The following TRIB1 variants were observed in gnomAD, a reference collection of about 807,000 sequenced individuals.
The protein encoded by TRIB1 is tribbles homolog 1.
TRIB1 carries 12 observed loss-of-function variants against 27.8 expected under a neutral mutation model. That is an observed-to-expected ratio of 0.43 (90% CI 0.28 to 0.70). The LOEUF is 0.70. Ranked by LOEUF, TRIB1 falls within the 30% of genes least tolerant of loss-of-function variation. The pLI is 0.18. For missense variants in TRIB1, 475 were observed against 515.8 expected, an observed-to-expected ratio of 0.92 and a Z score of 0.77; for synonymous variants, 230 against 224.9, an observed-to-expected ratio of 1.02 and a Z score of -0.20.
At position 125,431,067 on chromosome 8, in the gene TRIB1, C is replaced by T. The variant is rs1814646346; in HGVS notation, c.165C>T (p.Ser55=). ...GCCCGCGCCTCTCCGAGTGCTCCAG[C>T]CCCCCGGACTACCTCAGCCCCCCCG... ...AKCPRLSECS[S]PPDYLSPPGS... is the part of the protein sequence containing the mutation. The change falls in exon 1 of 3, where the codon AGC becomes AGT. Residue 55 remains serine, a synonymous_variant. Coordinates refer to ENST00000311922, the MANE Select transcript of TRIB1 (RefSeq NM_025195.4). 6 of 1,433,894 alleles carry T rather than the reference C, an allele frequency of 4.2e-6. No individual in the cohort carries two copies. Among genetic ancestry groups the T allele is most frequent in the South Asian group, 2.8e-5 (2 of 71,218 alleles). The allele number at this position is 1,433,894 out of a possible 1,614,324, so 88.8% of individuals were successfully genotyped here.
chr8:125,436,325 G>T lies in TRIB1; in HGVS notation c.973G>T (p.Glu325Ter), dbSNP rs756273869. ...CAGCCTCTTGAGACGGGAGCCCTCC[G>T]AGAGACTCACTGCCCCCGAGATCCT... ...IRSLLRREPS[E>*]RLTAPEILLH... Residue 325 changes from glutamate (E) to a stop codon, truncating the protein, a stop_gained, in exon 3 of 3, where the codon GAG (glutamate) becomes TAG (stop). Coordinates refer to ENST00000311922, the MANE Select transcript of TRIB1 (RefSeq NM_025195.4). LOFTEE classifies it high-confidence loss of function. 1.9e-6 allele frequency: 3 copies of T among 1,613,770 alleles called. No individual in the cohort carries two copies. The highest frequency in any genetic ancestry group is 1.7e-6 in the Non-Finnish European group (2 of 1,179,998).
At chr8:125,432,048 C>T (rs1157872804) in intron 1 of TRIB1, among the ~76,000 whole-genome samples, 2 of 152,132 alleles carry the variant, frequency 1.3e-5, no homozygotes, top group African/African-American at 4.8e-5. Context: ...CTACTTTATG[C>T]GAGCGTGGCA....
In TRIB1 at chr8:125,430,794, C is replaced by A; in HGVS notation, c.-109C>A. The A allele has an allele frequency of 7.6e-7, 1 of 1,314,292 alleles. No individual in the cohort carries two copies. The highest frequency in any genetic ancestry group is 9.7e-7 in the Non-Finnish European group (1 of 1,028,780). 81.4% of individuals were successfully genotyped at this position (1,314,292 alleles called of 1,614,324 possible). A position where few individuals can be genotyped will look rare whatever the true frequency, so the allele number is the denominator to read the frequency against. On this transcript the variant is annotated 5_prime_UTR_variant, in exon 1 of 3. Transcript: ENST00000311922. ...GGCCGAGCCAAGACCAGTCTGCAAA[C>A]TCCATCCCGCCGGCTGGAAGAAGTC...
Position 125,433,740 on chromosome 8 carries a change from GCTT to G in TRIB1, c.653+134_653+136del. 8.5e-7 allele frequency: 1 copy of G among 1,183,050 alleles called. No homozygotes were observed. Among genetic ancestry groups the G allele is most frequent in the Non-Finnish European group, 1.2e-6 (1 of 861,766 alleles). The allele number at this position is 1,183,050 out of a possible 1,614,324, so 73.3% of individuals were successfully genotyped here. A position where few individuals can be genotyped will look rare whatever the true frequency, so the allele number is the denominator to read the frequency against. On this transcript the variant is annotated intron_variant, in intron 2 of 2. Transcript: ENST00000311922. The surrounding 1 kb of genome is among the most constrained non-coding windows in gnomAD (Gnocchi z 4.4). ...ATATGTCCCAGATTTAGTATTTAGA[GCTT>G]CTGTTCCTGAGGAGTCACAGCCAAG...
chr8:125,436,554 C>A lies in TRIB1; in HGVS notation c.*83C>A. 1 of 1,335,664 alleles carries A rather than the reference C, an allele frequency of 7.5e-7. No homozygotes were observed. Among genetic ancestry groups the A allele is most frequent in the Non-Finnish European group, 1.0e-6 (1 of 961,210 alleles). The allele number at this position is 1,335,664 out of a possible 1,614,324, so 82.7% of individuals were successfully genotyped here. ...ATGGACAGGCCCTTTGGCGTGGTAC[C>A]AACCAGATAATGACTGCATCAGGAT... On this transcript the variant is annotated 3_prime_UTR_variant, in exon 3 of 3. Transcript: ENST00000311922.
chr8:125,434,143 C>T (rs939417702), intron 2 of TRIB1, among the ~76,000 whole-genome samples: 12 of 152,082 alleles, frequency 7.9e-5, no homozygotes, highest in African/African-American at 2.4e-4. Context: ...TGTTTGGATC[C>T]GTCTTCAGAA....
rs889090995 is a variant in TRIB1, at chr8:125,433,123, G to A, written c.361-194G>A. On this transcript the variant is annotated intron_variant, in intron 1 of 2. Coordinates refer to ENST00000311922, the MANE Select transcript of TRIB1 (RefSeq NM_025195.4). This position sits in a 1 kb window ranked among gnomAD's most constrained non-coding sequence, Gnocchi z 4.4. ...GGTATTTGCAAGTCTAGAGCTTTAGGTGTTACTGGTTTTAAAGGTGTCAGG... is the reference window on the plus strand; with the variant it reads ...GGTATTTGCAAGTCTAGAGCTTTAGATGTTACTGGTTTTAAAGGTGTCAGG... 6.3e-6 allele frequency: 4 copies of A among 633,212 alleles called. No homozygotes were observed. Among genetic ancestry groups the A allele is most frequent in the Non-Finnish European group, 1.1e-5 (4 of 356,806 alleles). The allele number at this position is 633,212 out of a possible 1,614,324, so 39.2% of individuals were successfully genotyped here. A position where few individuals can be genotyped will look rare whatever the true frequency, so the allele number is the denominator to read the frequency against.
At chr8:125,432,597 C>G (rs922021948) in intron 1 of TRIB1, among the ~76,000 whole-genome samples, 20 of 152,212 alleles carry the variant, frequency 1.3e-4, no homozygotes, top group Admixed American at 1.1e-3. Context: ...AGAGGAGATG[C>G]TACTCATTTC....
rs756273869 is a variant in TRIB1, at chr8:125,436,325, G to A, written c.973G>A (p.Glu325Lys). 6.2e-6 allele frequency: 10 copies of A among 1,613,770 alleles called. No individual in the cohort carries two copies. The highest frequency in any genetic ancestry group is 2.2e-5 in the East Asian group (1 of 44,878). Residue 325 changes from glutamate (E) to lysine (K), a missense_variant, in exon 3 of 3, where the codon GAG (glutamate) becomes AAG (lysine). Physicochemically the swap from Glu to Lys is moderately conservative, Grantham distance 56 (BLOSUM62 1). Transcript: ENST00000311922. ...IRSLLRREPS[E>K]RLTAPEILLH... ...CAGCCTCTTGAGACGGGAGCCCTCCGAGAGACTCACTGCCCCCGAGATCCT... is the reference window on the plus strand; with the variant it reads ...CAGCCTCTTGAGACGGGAGCCCTCCAAGAGACTCACTGCCCCCGAGATCCT...
At position 125,431,208 on chromosome 8, in the gene TRIB1, C is replaced by T; in HGVS notation, c.306C>T (p.Arg102=). The T allele has an allele frequency of 2.9e-5, 37 of 1,284,236 alleles. No individual in the cohort carries two copies. Among genetic ancestry groups the T allele is most frequent in the Non-Finnish European group, 3.6e-5 (37 of 1,017,512 alleles). 79.6% of individuals were successfully genotyped at this position (1,284,236 alleles called of 1,614,324 possible). ...ACCTGCTGCTGCCCCTAGCCGAGCG[C>T]GAGCATGTGTCCCGGGCGCTGTGCA... ...ADYLLLPLAE[R]EHVSRALCIH... is the part of the protein sequence containing the mutation. Residue 102 remains arginine (R), a synonymous_variant, in exon 1 of 3, where the codon CGC becomes CGT. Coordinates refer to ENST00000311922, the MANE Select transcript of TRIB1 (RefSeq NM_025195.4).
chr8:125,436,536 G>T lies in TRIB1; in HGVS notation c.*65G>T. On this transcript the variant is annotated 3_prime_UTR_variant, in exon 3 of 3. Transcript: ENST00000311922. The stretch of plus-strand genomic sequence containing the variant: ...GCATTTCCATTTCTAAAGATGGACA[G>T]GCCCTTTGGCGTGGTACCAACCAGA... The T allele has an allele frequency of 2.6e-6, 4 of 1,514,930 alleles. No individual in the cohort carries two copies. Among genetic ancestry groups the T allele is most frequent in the Non-Finnish European group, 3.6e-6 (4 of 1,106,222 alleles). The allele number at this position is 1,514,930 out of a possible 1,614,324, so 93.8% of individuals were successfully genotyped here.
At position 125,438,338 on chromosome 8, in the gene TRIB1, A is replaced by G. The variant is rs1461141196; in HGVS notation, c.*1867A>G. The G allele has an allele frequency of 2.0e-5, 3 of 152,376 alleles. 1 individual carries two copies. The highest frequency in any genetic ancestry group is 4.4e-5 in the Non-Finnish European group (3 of 68,040). The allele number at this position is 152,376 out of a possible 1,614,324, so 9.4% of individuals were successfully genotyped here. A position where few individuals can be genotyped will look rare whatever the true frequency, so the allele number is the denominator to read the frequency against. On this transcript the variant is annotated 3_prime_UTR_variant, in exon 3 of 3. Coordinates refer to ENST00000311922, the MANE Select transcript of TRIB1 (RefSeq NM_025195.4). ...AGGTTCTTCCTGTACATACGTGTAT[A>G]TATGTGAACAGTGAGATGGCCGTTT...
In TRIB1 at chr8:125,433,592, C is replaced by T. The variant is rs1359748713; in HGVS notation, c.636C>T (p.Val212=). The change falls in exon 2 of 3, where the codon GTC becomes GTT. Residue 212 remains valine (V), a synonymous_variant. Coordinates refer to ENST00000311922, the MANE Select transcript of TRIB1 (RefSeq NM_025195.4). This position sits in a 1 kb window ranked among gnomAD's most constrained non-coding sequence, Gnocchi z 4.4. ...GGGACCTGAAGCTTAGGAAGTTCGT[C>T]TTCTCCACGGAGGAGAGGTGAGCGG... ...VLGDLKLRKF[V]FSTEERTQLR... 3.7e-6 allele frequency: 6 copies of T among 1,609,180 alleles called. No individual in the cohort carries two copies. The highest frequency in any genetic ancestry group is 3.3e-5 in the Admixed American group (2 of 59,964).
At position 125,433,064 on chromosome 8, in the gene TRIB1, T is replaced by G. The variant is rs1055928662; in HGVS notation, c.361-253T>G. 13 of 485,876 alleles carry G rather than the reference T, an allele frequency of 2.7e-5. No individual in the cohort carries two copies. In the Admixed American group the frequency reaches 3.5e-4, roughly 13 times the overall value. The allele number at this position is 485,876 out of a possible 1,614,324, so 30.1% of individuals were successfully genotyped here. Reference sequence around the variant, plus strand: ...GGAACATGTACAGGAGACAGTTCTTTCAAATCATCTGTGTGAAAGCGGGTA... The same window carrying G: ...GGAACATGTACAGGAGACAGTTCTTGCAAATCATCTGTGTGAAAGCGGGTA... On this transcript the variant is annotated intron_variant, in intron 1 of 2. Transcript: ENST00000311922. The surrounding 1 kb of genome is among the most constrained non-coding windows in gnomAD (Gnocchi z 4.4).
chr8:125,430,750 C>G lies in TRIB1; in HGVS notation c.-153C>G. 9.5e-7 allele frequency: 1 copy of G among 1,049,212 alleles called. No individual in the cohort carries two copies. 65.0% of individuals were successfully genotyped at this position (1,049,212 alleles called of 1,614,324 possible). ...CAACGCGAGCGCCGGGGAGTGGCTC[C>G]TGCTTTGCCCCTCGTGGGGGCCGAG... On this transcript the variant is annotated 5_prime_UTR_variant, in exon 1 of 3. Transcript: ENST00000311922.
rs1814639114 is a variant in TRIB1 at position 125,430,721 on chromosome 8, C to A, written c.-182C>A. ...GGACGCACAGCCAGCGTGGTCCCCG[C>A]GTGCAACGCGAGCGCCGGGGAGTGG... is the stretch of plus-strand genomic sequence containing the variant. On this transcript the variant is annotated 5_prime_UTR_variant, in exon 1 of 3. Coordinates refer to ENST00000311922, the MANE Select transcript of TRIB1 (RefSeq NM_025195.4). The A allele has an allele frequency of 2.6e-6, 2 of 772,782 alleles. No individual in the cohort carries two copies. Among genetic ancestry groups the A allele is most frequent in the Non-Finnish European group, 3.6e-6 (2 of 555,508 alleles). The allele number at this position is 772,782 out of a possible 1,614,324, so 47.9% of individuals were successfully genotyped here. A position where few individuals can be genotyped will look rare whatever the true frequency, so the allele number is the denominator to read the frequency against.
Position 125,430,727 on chromosome 8 carries a change from A to G in TRIB1, c.-176A>G, listed in dbSNP as rs1814639161. 2 of 840,086 alleles carry G rather than the reference A, an allele frequency of 2.4e-6. No individual in the cohort carries two copies. Among genetic ancestry groups the G allele is most frequent in the Non-Finnish European group, 3.2e-6 (2 of 618,250 alleles). The allele number at this position is 840,086 out of a possible 1,614,324, so 52.0% of individuals were successfully genotyped here. On this transcript the variant is annotated 5_prime_UTR_variant, in exon 1 of 3. Transcript: ENST00000311922. ...ACAGCCAGCGTGGTCCCCGCGTGCA[A>G]CGCGAGCGCCGGGGAGTGGCTCCTG...
At position 125,436,606 on chromosome 8, in the gene TRIB1, C is replaced by T; in HGVS notation, c.*135C>T. On this transcript the variant is annotated 3_prime_UTR_variant, in exon 3 of 3. Transcript: ENST00000311922. ...AAAGCTGCTGAACTCGGCATGGCGC[C>T]TCCTCTTCTCTGTTGGGATGAGTGA... The T allele has an allele frequency of 1.3e-6, 1 of 770,488 alleles. No homozygotes were observed. Among genetic ancestry groups the T allele is most frequent in the Non-Finnish European group, 2.1e-6 (1 of 483,176 alleles). The allele number at this position is 770,488 out of a possible 1,614,324, so 47.7% of individuals were successfully genotyped here.
intron 2 of TRIB1, among the ~76,000 whole-genome samples, chr8:125,434,299 C>G (rs766668562): frequency 2.6e-5 from 4 of 152,162 alleles, no homozygotes; most frequent in Admixed American, 2.0e-4. Flanking sequence ...CTAGAGAATT[C>G]AGGAAGCCGC....
Sources: gnomAD v4.1 joint callset for allele counts (sites outside exome capture counted in the v4.1 genomes callset) on GRCh38, gnomAD v4.1.1 for gene constraint, Gnocchi (gnomAD v3.1) non-coding constraint, MANE v1.5 for transcripts, NCBI Gene and HGNC (gene_info 2026-07-23, HGNC 2026-07-21) for gene names.